PCSK5: variants seen among roughly 807,000 people sequenced by gnomAD.
PCSK5 encodes proprotein convertase subtilisin/kexin type 5.
A neutral mutation model predicts 233.2 loss-of-function variants in PCSK5; 129 were observed. That is an observed-to-expected ratio of 0.55 (90% CI 0.48 to 0.64). The LOEUF (loss-of-function observed/expected upper bound fraction) is 0.64, where lower values mean the gene tolerates loss of function less well. Among genes scored for constraint, PCSK5 ranks in the 30% least tolerant of loss-of-function variants. The pLI, the probability that PCSK5 is intolerant of heterozygous loss-of-function variation, is 0.00. For missense variants in PCSK5, 2,076 were observed against 2,430.1 expected (o/e 0.85, Z 3.06); for synonymous variants, 825 against 879.2 (o/e 0.94, Z 1.09).
intron 2 of PCSK5, among the ~76,000 whole-genome samples, chr9:75,936,158 T>G (rs151051312): frequency 0.017 from 2,614 of 152,356 alleles, 39 homozygotes; most frequent in Middle Eastern, 0.051. Context: ...AATGATCATC[T>G]GAGCCTTCAG....
chr9:76,121,540 A>G (rs1038231947), intron 9 of PCSK5, among the ~76,000 whole-genome samples: 1 of 152,190 alleles, frequency 6.6e-6, no homozygotes, highest in Admixed American at 6.5e-5. Context: ...TATTTCATGT[A>G]ATTCTCATCT....
chr9:76,309,641 C>T (rs1487510132), intron 29 of PCSK5, among the ~76,000 whole-genome samples: 2 of 150,882 alleles, frequency 1.3e-5, no homozygotes, highest in East Asian at 3.9e-4. Context: ...TTGCAGTGTG[C>T]ACTTCAACCT....
chr9:76,006,619 G>A (rs891256078), intron 3 of PCSK5, among the ~76,000 whole-genome samples: 3 of 151,954 alleles, frequency 2.0e-5, no homozygotes, highest in African/African-American at 4.8e-5. Context: ...TTCAGAACAC[G>A]TTTCCTTATT....
At position 76,239,230 on chromosome 9, in the gene PCSK5, T is replaced by C. The variant is rs543782620; in HGVS notation, c.3073+65T>C. Reference sequence around the variant, plus strand: ...GGGAGGAGGGGCTGCACCCTGGATGTCCTGGAGACTTGAATTGCCTTCCTG... The same window carrying C: ...GGGAGGAGGGGCTGCACCCTGGATGCCCTGGAGACTTGAATTGCCTTCCTG... On this transcript the variant is annotated intron_variant, in intron 23 of 37. Transcript: ENST00000674117. 1.3e-5 allele frequency: 18 copies of C among 1,335,566 alleles called. No homozygotes were observed. The South Asian group carries it at 2.0e-4, about 15-fold the overall frequency. 82.7% of individuals were successfully genotyped at this position (1,335,566 alleles called of 1,614,324 possible). A position where few individuals can be genotyped will look rare whatever the true frequency, so the allele number is the denominator to read the frequency against.
In PCSK5 at chr9:76,343,311, C is replaced by T. The variant is rs55868826; in HGVS notation, c.4966+4864C>T. 6.7e-3 allele frequency among the ~76,000 whole-genome samples: 1,006 copies of T among 150,726 alleles called. 7 individuals are homozygous for T. The highest frequency in any genetic ancestry group is 0.023 in the African/African-American group (934 of 40,854). ...TCCCAAGTAACTGGGATTACAGGCA[C>T]ACACCACCGCACCTGGGTAATTTGT... On this transcript the variant is annotated intron_variant, in intron 35 of 37. Transcript: ENST00000674117.
At chr9:76,063,942 C>G (rs1174996119) in intron 5 of PCSK5, among the ~76,000 whole-genome samples, 261 of 50,328 alleles carry the variant, frequency 5.2e-3, no homozygotes, top group East Asian at 9.8e-3. Context: ...AGACGGGGCG[C>G]CTGGCCGGGC....
chr9:76,030,926 AT>A (rs1828628935), intron 5 of PCSK5, among the ~76,000 whole-genome samples: 1 of 151,748 alleles, frequency 6.6e-6, no homozygotes, highest in South Asian at 2.1e-4. Flanking sequence ...GCAGTGGGGG[AT>A]TGATTGTTGG....
At chr9:75,918,204 G>A (rs1823089550) in intron 1 of PCSK5, among the ~76,000 whole-genome samples, 1 of 152,182 alleles carries the variant, frequency 6.6e-6, no homozygotes, top group African/African-American at 2.4e-5. Flanking sequence ...ATATAGATTG[G>A]TTGGGTATAT....
At chr9:76,033,213 A>G (rs1239959904) in intron 5 of PCSK5, among the ~76,000 whole-genome samples, 1 of 152,212 alleles carries the variant, frequency 6.6e-6, no homozygotes, top group African/African-American at 2.4e-5. Context: ...TTTTCCGCAT[A>G]TAGGGGAAAT....
intron 12 of PCSK5, among the ~76,000 whole-genome samples, chr9:76,169,068 T>G (rs1014071483): frequency 6.6e-6 from 1 of 152,224 alleles, no homozygotes; most frequent in Non-Finnish European, 1.5e-5. Context: ...TGTATGGATA[T>G]ACAGTCATCC....
intron 35 of PCSK5, among the ~76,000 whole-genome samples, chr9:76,347,019 C>G (rs1829998442): frequency 6.6e-6 from 1 of 152,084 alleles, no homozygotes; most frequent in African/African-American, 2.4e-5. Context: ...TAGCTCATTC[C>G]TTGCCTTCAC....
chr9:76,198,185 T>C (rs979438821), intron 20 of PCSK5, among the ~76,000 whole-genome samples: 6 of 152,178 alleles, frequency 3.9e-5, no homozygotes, highest in African/African-American at 9.7e-5. Flanking sequence ...TTTGACTGGC[T>C]TATTACCAAA....
intron 5 of PCSK5, among the ~76,000 whole-genome samples, chr9:76,029,413 G>A (rs1025415191): frequency 2.0e-5 from 3 of 152,038 alleles, no homozygotes; most frequent in African/African-American, 7.2e-5. Context: ...CTAACAACAG[G>A]TGTACTGTAG....
intron 35 of PCSK5, among the ~76,000 whole-genome samples, chr9:76,345,883 C>T (rs1168383004): frequency 6.6e-6 from 1 of 152,000 alleles, no homozygotes; most frequent in Non-Finnish European, 1.5e-5. Context: ...CCACGCCTGG[C>T]TAATTTTTGT....
At chr9:76,066,498 C>T (rs774768421) in intron 5 of PCSK5, among the ~76,000 whole-genome samples, 1 of 152,022 alleles carries the variant, frequency 6.6e-6, no homozygotes, top group Admixed American at 6.6e-5. Context: ...GATTGTTCTT[C>T]GTATTGTTGT....
At chr9:76,040,783 A>G (rs960633846) in intron 5 of PCSK5, among the ~76,000 whole-genome samples, 1 of 152,222 alleles carries the variant, frequency 6.6e-6, no homozygotes, top group African/African-American at 2.4e-5. Flanking sequence ...ATTGTAGTTA[A>G]TTTATGAGAA....
At chr9:76,016,029 G>A (rs1827934120) in intron 3 of PCSK5, among the ~76,000 whole-genome samples, 1 of 152,174 alleles carries the variant, frequency 6.6e-6, no homozygotes, top group African/African-American at 2.4e-5. Context: ...CTCGCCCTTT[G>A]GCTAGTCAGC....
intron 8 of PCSK5, among the ~76,000 whole-genome samples, chr9:76,096,677 C>G (rs1209025275): frequency 1.3e-5 from 2 of 151,138 alleles, no homozygotes; most frequent in Non-Finnish European, 2.9e-5. Flanking sequence ...TCTCAGCTCA[C>G]TGCAACCTCC....
intron 20 of PCSK5, among the ~76,000 whole-genome samples, chr9:76,208,031 A>T (rs878984403): frequency 1.3e-5 from 2 of 152,102 alleles, no homozygotes; most frequent in African/African-American, 2.4e-5. Flanking sequence ...TGTCAGAGAG[A>T]AATGGGAGCC....
Sources: gnomAD v4.1 joint callset for allele counts (sites outside exome capture counted in the v4.1 genomes callset) on GRCh38, gnomAD v4.1.1 for gene constraint, MANE v1.5 for transcripts, NCBI Gene and HGNC (gene_info 2026-07-23, HGNC 2026-07-21) for gene names.